APOLD1: variants seen among roughly 807,000 people sequenced by gnomAD.
APOLD1 encodes apolipoprotein L domain containing 1.
In APOLD1, 22 loss-of-function variants were observed where a neutral mutation model predicts 15.3. That is an observed-to-expected ratio of 1.44 (90% CI 1.03 to 2.05). The LOEUF is 2.05. Ranked by LOEUF, APOLD1 falls within the 30% of genes most tolerant of loss-of-function variation. APOLD1 has a pLI of 0.00. For missense variants in APOLD1, 394 were observed against 353.5 expected (o/e 1.11, Z -0.92); for synonymous variants, 190 against 167.4 (o/e 1.13, Z -1.04).
At chr12:12,735,089 G>A (rs1054272775) in intron 1 of APOLD1, among the ~76,000 whole-genome samples, 2 of 152,032 alleles carry the variant, frequency 1.3e-5, no homozygotes, top group Admixed American at 6.6e-5. Context: ...AAAGAAAAGG[G>A]CCTTTAAAAA....
intron 1 of APOLD1, among the ~76,000 whole-genome samples, chr12:12,776,993 G>A (rs1039843402): frequency 6.6e-6 from 1 of 152,092 alleles, no homozygotes; most frequent in African/African-American, 2.4e-5. Flanking sequence ...ATTAGCACCC[G>A]CTATGCACTG....
intron 1 of APOLD1, among the ~76,000 whole-genome samples, chr12:12,732,919 G>T (rs968205994): frequency 1.3e-5 from 2 of 151,896 alleles, no homozygotes; most frequent in Non-Finnish European, 2.9e-5. Context: ...TAGATGTAGG[G>T]TTACAGAATT....
At chr12:12,769,792 A>G (rs1467601705) in intron 1 of APOLD1, among the ~76,000 whole-genome samples, 1 of 152,154 alleles carries the variant, frequency 6.6e-6, no homozygotes, top group African/African-American at 2.4e-5. Context: ...AGAGGGGGAG[A>G]CTGAGAAGCA....
chr12:12,728,867 T>C (rs571433696), intron 1 of APOLD1, among the ~76,000 whole-genome samples: 4 of 152,070 alleles, frequency 2.6e-5, no homozygotes, highest in African/African-American at 9.7e-5. Context: ...CATTCTAAGA[T>C]TGGGTCTCTA....
At chr12:12,759,198 C>T (rs923690154) in intron 1 of APOLD1, among the ~76,000 whole-genome samples, 4 of 151,968 alleles carry the variant, frequency 2.6e-5, no homozygotes, top group African/African-American at 4.8e-5. Flanking sequence ...TGTGGTTGAC[C>T]GAATGTAACT....
At chr12:12,769,972 A>G (rs1946973656) in intron 1 of APOLD1, among the ~76,000 whole-genome samples, 1 of 152,222 alleles carries the variant, frequency 6.6e-6, no homozygotes, top group South Asian at 2.1e-4. Context: ...AGAAAAAATT[A>G]CAAAGTATAC....
chr12:12,759,580 C>T (rs554484778), intron 1 of APOLD1, among the ~76,000 whole-genome samples: 23 of 152,120 alleles, frequency 1.5e-4, no homozygotes, highest in Non-Finnish European at 2.2e-4. Flanking sequence ...TTGCTGCTGC[C>T]GGCATTTATC....
rs771777868 is a variant in APOLD1 at position 12,786,990 on chromosome 12, G to A, written c.85G>A (p.Gly29Ser). Residue 29 changes from glycine to serine, a missense_variant, in exon 2 of 2, where the codon GGC becomes AGC. Physicochemically the swap from Gly to Ser is moderately conservative, Grantham distance 56 (BLOSUM62 0). Coordinates refer to ENST00000356591, the MANE Select transcript of APOLD1 (RefSeq NM_030817.3). ...RFQGLLLDRR[G>S]RLHGQVLRLR... is the part of the protein sequence containing the mutation. ...CCAGGGACTGCTGCTGGACCGCCGA[G>A]GCCGGCTGCACGGCCAGGTGCTGCG... 55 of 1,424,302 alleles carry A rather than the reference G, an allele frequency of 3.9e-5. No homozygotes were observed. The highest frequency in any genetic ancestry group is 4.6e-5 in the Non-Finnish European group (51 of 1,100,386). 88.2% of individuals were successfully genotyped at this position (1,424,302 alleles called of 1,614,324 possible). A position where few individuals can be genotyped will look rare whatever the true frequency, so the allele number is the denominator to read the frequency against.
chr12:12,771,651 G>C, intron 1 of APOLD1: 1 of 497,020 alleles, frequency 2.0e-6, no homozygotes, highest in Non-Finnish European at 4.0e-6. Context: ...AGAGTTCATT[G>C]AAACCCAAGC....
chr12:12,759,664 G>A (rs1592299834), intron 1 of APOLD1, among the ~76,000 whole-genome samples: 5 of 152,222 alleles, frequency 3.3e-5, no homozygotes, highest in Non-Finnish European at 1.5e-5. Context: ...TTATTGAAGT[G>A]TGTTGAAGGG....
At chr12:12,740,789 C>T (rs1417756783) in intron 1 of APOLD1, among the ~76,000 whole-genome samples, 1 of 152,056 alleles carries the variant, frequency 6.6e-6, no homozygotes, top group Non-Finnish European at 1.5e-5. Flanking sequence ...TATTTGGAAT[C>T]TTTTTTTATA....
chr12:12,766,330 T>C (rs1281546543), intron 1 of APOLD1, among the ~76,000 whole-genome samples: 1 of 147,124 alleles, frequency 6.8e-6, no homozygotes, highest in Non-Finnish European at 1.5e-5. Context: ...TCATGTAATA[T>C]AGTACCAAGA....
At chr12:12,778,723 T>C (rs982953281) in intron 1 of APOLD1, among the ~76,000 whole-genome samples, 1 of 152,174 alleles carries the variant, frequency 6.6e-6, no homozygotes, top group Non-Finnish European at 1.5e-5. Flanking sequence ...TTAGGAATGA[T>C]TAGTCAATTT....
chr12:12,726,114 G>C (rs1260836116), intron 1 of APOLD1: 1 of 1,468,434 alleles, frequency 6.8e-7, no homozygotes, highest in African/African-American at 1.5e-5. Flanking sequence ...TGGGGAGTGC[G>C]GGAGGGTGGA....
intron 1 of APOLD1, among the ~76,000 whole-genome samples, chr12:12,763,950 T>C (rs1422191885): frequency 2.0e-5 from 3 of 152,016 alleles, no homozygotes; most frequent in Admixed American, 6.6e-5. Flanking sequence ...ATATAGCACA[T>C]TATTTTTATT....
At chr12:12,763,667 C>T (rs79860775) in intron 1 of APOLD1, among the ~76,000 whole-genome samples, 11,580 of 152,038 alleles carry the variant, frequency 0.076, 740 homozygotes, top group East Asian at 0.24. Context: ...TATATGCAAA[C>T]GCTATACCAT....
At chr12:12,777,231 G>T (rs1947043463) in intron 1 of APOLD1, among the ~76,000 whole-genome samples, 1 of 152,104 alleles carries the variant, frequency 6.6e-6, no homozygotes, top group African/African-American at 2.4e-5. Context: ...TCTTCTCCCT[G>T]CCCAGTGCAG....
chr12:12,770,180 C>T (rs917335206), intron 1 of APOLD1, among the ~76,000 whole-genome samples: 8 of 152,044 alleles, frequency 5.3e-5, no homozygotes, highest in Non-Finnish European at 7.4e-5. Flanking sequence ...GAGGCCGAGG[C>T]GGGCAGATCA....
chr12:12,759,681 C>T (rs746039457), intron 1 of APOLD1, among the ~76,000 whole-genome samples: 4 of 152,206 alleles, frequency 2.6e-5, no homozygotes, highest in Middle Eastern at 3.4e-3. Context: ...AGGGACTGAC[C>T]CCGTCTGCAG....
Sources: gnomAD v4.1 joint callset for allele counts (sites outside exome capture counted in the v4.1 genomes callset) on GRCh38, gnomAD v4.1.1 for gene constraint, MANE v1.5 for transcripts, NCBI Gene and HGNC (gene_info 2026-07-23, HGNC 2026-07-21) for gene names.